UBE2E2: variants seen among roughly 807,000 people sequenced by gnomAD.
The protein encoded by UBE2E2 is ubiquitin conjugating enzyme E2 E2.
In UBE2E2, 6 loss-of-function variants were observed where a neutral mutation model predicts 24.7. The ratio of observed to expected loss-of-function variants is 0.24; its 90% CI spans 0.13 to 0.48. UBE2E2 has a LOEUF of 0.48. Among genes scored for constraint, UBE2E2 ranks in the 20% least tolerant of loss-of-function variants. The probability of loss-of-function intolerance (pLI) is 0.99; values close to 1 mark genes in which losing one functional copy is unlikely to be tolerated. For synonymous variants in UBE2E2, 104 were observed against 83.6 expected, an observed-to-expected ratio of 1.24 and a Z score of -1.33; for missense variants, 169 against 245.0, an observed-to-expected ratio of 0.69 and a Z score of 2.07.
At chr3:23,582,238 T>C (rs1260938754) in intron 5 of UBE2E2, among the ~76,000 whole-genome samples, 2 of 152,210 alleles carry the variant, frequency 1.3e-5, no homozygotes, top group African/African-American at 4.8e-5. Flanking sequence ...ATCTCATTCT[T>C]TTTTATGGCT....
chr3:23,408,372 T>A (rs1347690808), intron 3 of UBE2E2, among the ~76,000 whole-genome samples: 4 of 152,142 alleles, frequency 2.6e-5, no homozygotes, highest in Non-Finnish European at 5.9e-5. Context: ...TTTGATATAA[T>A]TTATCTAGAA....
chr3:23,267,475 G>A (rs367820902), intron 3 of UBE2E2, among the ~76,000 whole-genome samples: 25 of 152,092 alleles, frequency 1.6e-4, no homozygotes, highest in Admixed American at 5.9e-4. Flanking sequence ...TAAATTCCTC[G>A]ACACATACAC....
At chr3:23,204,263 C>T (rs779788832) in intron 1 of UBE2E2, among the ~76,000 whole-genome samples, 90 of 151,986 alleles carry the variant, frequency 5.9e-4, no homozygotes, top group Non-Finnish European at 1.0e-3. Context: ...CCACGACCAA[C>T]CAGAAATGTC....
chr3:23,270,432 C>A (rs1227959120), intron 3 of UBE2E2, among the ~76,000 whole-genome samples: 1 of 152,114 alleles, frequency 6.6e-6, no homozygotes, highest in Non-Finnish European at 1.5e-5. Context: ...TTATTCTGTA[C>A]CTCAGGTAGG....
chr3:23,396,529 G>A (rs559665859), intron 3 of UBE2E2, among the ~76,000 whole-genome samples: 2 of 151,870 alleles, frequency 1.3e-5, no homozygotes, highest in South Asian at 4.2e-4. Flanking sequence ...ACCCCCTGAG[G>A]TCTCATGACA....
At chr3:23,499,517 A>T in intron 3 of UBE2E2, 91 bp from the exon 4 acceptor site, 1 of 1,476,812 alleles carries the variant, frequency 6.8e-7, no homozygotes, top group Non-Finnish European at 9.1e-7. Context: ...GTTTTTATGG[A>T]ATTGCTCAAT....
intron 5 of UBE2E2, among the ~76,000 whole-genome samples, chr3:23,576,880 G>A (rs908873352): frequency 1.3e-5 from 2 of 151,618 alleles, no homozygotes; most frequent in African/African-American, 2.4e-5. Flanking sequence ...GGCACACCTC[G>A]TTTGACAGTG....
chr3:23,308,153 T>C (rs577269637), intron 3 of UBE2E2, among the ~76,000 whole-genome samples: 10 of 152,328 alleles, frequency 6.6e-5, no homozygotes, highest in African/African-American at 2.4e-4. Flanking sequence ...CTTTTAACCA[T>C]GTCTAAGAAG....
At chr3:23,414,960 C>T (rs900082833) in intron 3 of UBE2E2, among the ~76,000 whole-genome samples, 41 of 152,136 alleles carry the variant, frequency 2.7e-4, no homozygotes, top group South Asian at 1.9e-3. Context: ...GTGTAGCAGC[C>T]GAAATGGAGT....
At chr3:23,258,532 T>C (rs1253096197) in intron 3 of UBE2E2, among the ~76,000 whole-genome samples, 1 of 152,186 alleles carries the variant, frequency 6.6e-6, no homozygotes, top group African/African-American at 2.4e-5. Flanking sequence ...TAAAATGAGC[T>C]GTCTACCCAA....
At chr3:23,317,990 C>T (rs1287055067) in intron 3 of UBE2E2, among the ~76,000 whole-genome samples, 14 of 151,774 alleles carry the variant, frequency 9.2e-5, no homozygotes, top group Admixed American at 3.9e-4. Context: ...CCTGTAGGGA[C>T]GACAATCAGT....
At chr3:23,238,736 C>T (rs1456264352) in intron 3 of UBE2E2, among the ~76,000 whole-genome samples, 1 of 152,120 alleles carries the variant, frequency 6.6e-6, no homozygotes, top group East Asian at 1.9e-4. Flanking sequence ...TTCTTACACA[C>T]CTTATACACA....
intron 4 of UBE2E2, among the ~76,000 whole-genome samples, chr3:23,531,259 T>G (rs1695117370): frequency 6.6e-6 from 1 of 152,170 alleles, no homozygotes; most frequent in South Asian, 2.1e-4. Flanking sequence ...GCATGTGTGT[T>G]TTTCTTGGTT....
intron 3 of UBE2E2, among the ~76,000 whole-genome samples, chr3:23,240,538 G>T (rs1332460708): frequency 1.3e-5 from 2 of 152,176 alleles, no homozygotes; most frequent in Admixed American, 6.5e-5. Flanking sequence ...CTGCCATGAG[G>T]TATCTTTGTG....
chr3:23,401,756 C>T (rs1362490590), intron 3 of UBE2E2, among the ~76,000 whole-genome samples: 2 of 151,876 alleles, frequency 1.3e-5, no homozygotes, highest in African/African-American at 4.8e-5. Context: ...TTTTGGCTCA[C>T]TGCAACCTCT....
chr3:23,575,022 T>C (rs1428457229), intron 5 of UBE2E2, among the ~76,000 whole-genome samples: 3 of 152,220 alleles, frequency 2.0e-5, no homozygotes, highest in Non-Finnish European at 4.4e-5. Context: ...AGATTAGGGC[T>C]ACTCAGCCTG....
At chr3:23,330,960 T>G (rs1180390901) in intron 3 of UBE2E2, among the ~76,000 whole-genome samples, 1 of 152,240 alleles carries the variant, frequency 6.6e-6, no homozygotes, top group Non-Finnish European at 1.5e-5. Context: ...AGTTTATGCA[T>G]ATAATTAATA....
intron 3 of UBE2E2, among the ~76,000 whole-genome samples, chr3:23,356,750 A>G (rs924214345): frequency 6.6e-6 from 1 of 152,226 alleles, no homozygotes; most frequent in Non-Finnish European, 1.5e-5. Flanking sequence ...CTCTGTTGTC[A>G]ATCAGGTTAT....
At chr3:23,246,235 T>TTTTTTTTTTTGTG in intron 3 of UBE2E2, among the ~76,000 whole-genome samples, 1 of 141,526 alleles carries the variant, frequency 7.1e-6, no homozygotes, top group East Asian at 2.0e-4. Context: ...TTTTTTTTTT[T>TTTTTTTTTTTGTG]TTCGAGATGG....
Sources: gnomAD v4.1 joint callset for allele counts (sites outside exome capture counted in the v4.1 genomes callset) on GRCh38, gnomAD v4.1.1 for gene constraint, MANE v1.5 for transcripts, NCBI Gene and HGNC (gene_info 2026-07-23, HGNC 2026-07-21) for gene names.